The following EDNRA variants were observed in gnomAD, a reference collection of about 807,000 sequenced individuals.
EDNRA encodes endothelin-1 receptor.
In EDNRA, 11 loss-of-function variants were observed where a neutral mutation model predicts 41.4. The observed-to-expected ratio is 0.27, with a 90% CI of 0.17 to 0.44. The LOEUF (loss-of-function observed/expected upper bound fraction) is 0.44, where lower values mean the gene tolerates loss of function less well. EDNRA is among the 20% of genes least tolerant of loss of function. The pLI, the probability that EDNRA is intolerant of heterozygous loss-of-function variation, is 1.00. For missense variants in EDNRA, 294 were observed against 531.0 expected (o/e 0.55, Z 4.39); for synonymous variants, 172 against 183.0 (o/e 0.94, Z 0.49).
At chr4:147,507,150 A>C (rs1297150685) in intron 2 of EDNRA, among the ~76,000 whole-genome samples, 1 of 152,216 alleles carries the variant, frequency 6.6e-6, no homozygotes, top group Non-Finnish European at 1.5e-5. Flanking sequence ...TATAGCAAGA[A>C]AAAAACAGTC....
chr4:147,535,802 C>A, intron 4 of EDNRA, 75 bp from the exon 5 acceptor site: 1 of 1,561,976 alleles, frequency 6.4e-7, no homozygotes, highest in Non-Finnish European at 8.7e-7. Flanking sequence ...GACCTTAAAG[C>A]TACCAGAGGC....
intron 2 of EDNRA, among the ~76,000 whole-genome samples, chr4:147,509,862 G>A (rs896912859): frequency 6.6e-5 from 10 of 151,948 alleles, no homozygotes; most frequent in African/African-American, 2.4e-4. Context: ...ATTATATATT[G>A]CAATGTAATC....
intron 2 of EDNRA, among the ~76,000 whole-genome samples, chr4:147,513,044 C>G (rs890317343): frequency 1.3e-5 from 2 of 152,176 alleles, no homozygotes; most frequent in African/African-American, 2.4e-5. Context: ...AGAAAACTAA[C>G]AGGCACAAAG....
chr4:147,513,802 A>C (rs911815376), intron 2 of EDNRA, among the ~76,000 whole-genome samples: 6 of 152,206 alleles, frequency 3.9e-5, no homozygotes, highest in African/African-American at 1.4e-4. Context: ...GACAAACAGG[A>C]GATGAAGGAG....
chr4:147,532,795 G>GTCA, intron 4 of EDNRA, 91 bp downstream of exon 4: 4 of 1,312,778 alleles, frequency 3.0e-6, no homozygotes, highest in Non-Finnish European at 3.3e-6. Flanking sequence ...TCGCCACAAT[G>GTCA]TCAAGTGTGG....
intron 2 of EDNRA, among the ~76,000 whole-genome samples, chr4:147,487,480 A>G (rs909918922): frequency 7.2e-5 from 11 of 152,192 alleles, no homozygotes; most frequent in African/African-American, 2.7e-4. Context: ...TTTTCCTTCT[A>G]TGTATTATGC....
At position 147,543,244 on chromosome 4, in the gene EDNRA, T is replaced by G. The variant is rs1731175491; in HGVS notation, c.*626T>G. ...TAGTATTTTCCACGTCACTGTTTAT[T>G]TTTTTAAAACACAAATTCTAAAGCT... On this transcript the variant is annotated 3_prime_UTR_variant, in exon 8 of 8. Coordinates refer to ENST00000651419, the MANE Select transcript of EDNRA (RefSeq NM_001957.4). 1 of 152,196 alleles carries G rather than the reference T, an allele frequency of 6.6e-6. No individual in the cohort carries two copies. The highest frequency in any genetic ancestry group is 6.5e-5 in the Admixed American group (1 of 15,282). 9.4% of individuals were successfully genotyped at this position (152,196 alleles called of 1,614,324 possible).
At chr4:147,524,811 G>C (rs1432582614) in intron 3 of EDNRA, among the ~76,000 whole-genome samples, 1 of 151,954 alleles carries the variant, frequency 6.6e-6, no homozygotes, top group Non-Finnish European at 1.5e-5. Flanking sequence ...TTTCACACGA[G>C]AGAATGAATC....
In EDNRA at chr4:147,486,809, A is replaced by C. The variant is rs1728961890; in HGVS notation, c.420+708A>C. Among the ~76,000 whole-genome samples, 1 of 152,084 alleles carries C rather than the reference A, an allele frequency of 6.6e-6. No individual in the cohort carries two copies. Among genetic ancestry groups the C allele is most frequent in the Non-Finnish European group, 1.5e-5 (1 of 68,020 alleles). On this transcript the variant is annotated intron_variant, in intron 2 of 7. Transcript: ENST00000651419. The surrounding 1 kb of genome is among the most constrained non-coding windows in gnomAD (Gnocchi z 4.3). ...CCCCTGAGCTAGGCAGTAAGGAACC[A>C]AAAAGAAACACAACAAAGTCAGTGC...
At chr4:147,520,102 A>G (rs1405393899) in intron 3 of EDNRA, 124 bp downstream of exon 3, 1 of 1,272,628 alleles carries the variant, frequency 7.9e-7, no homozygotes, top group Non-Finnish European at 1.1e-6. Context: ...GAATTAAAGC[A>G]TTAACCATCT....
intron 3 of EDNRA, among the ~76,000 whole-genome samples, chr4:147,524,499 C>A (rs1730460206): frequency 6.7e-6 from 1 of 148,372 alleles, no homozygotes; most frequent in East Asian, 2.0e-4. Flanking sequence ...AAAGGAAGGA[C>A]TGAAGGAAGG....
chr4:147,534,802 G>T (rs1285548272), intron 4 of EDNRA, among the ~76,000 whole-genome samples: 1 of 152,108 alleles, frequency 6.6e-6, no homozygotes, highest in East Asian at 1.9e-4. Flanking sequence ...TTTTATGCAT[G>T]TAAAAGTATT....
At chr4:147,481,999 C>A (rs1240972008) in intron 1 of EDNRA, among the ~76,000 whole-genome samples, 2 of 152,196 alleles carry the variant, frequency 1.3e-5, no homozygotes, top group Non-Finnish European at 2.9e-5. Flanking sequence ...TAGATAATCA[C>A]CCTCTGTTTA....
intron 2 of EDNRA, chr4:147,493,213 GA>G (rs1002012767): frequency 5.3e-5 from 8 of 152,042 alleles, no homozygotes; most frequent in African/African-American, 1.9e-4. Flanking sequence ...AATGATGCAG[GA>G]AAGTTTTAGG....
intron 5 of EDNRA, among the ~76,000 whole-genome samples, chr4:147,538,992 C>A (rs892533095): frequency 3.3e-5 from 5 of 152,022 alleles, no homozygotes; most frequent in African/African-American, 4.8e-5. Context: ...TAATGCACAC[C>A]AATGAATGGT....
intron 2 of EDNRA, chr4:147,491,838 G>A (rs1729148320): frequency 6.6e-6 from 1 of 152,174 alleles, no homozygotes; most frequent in Non-Finnish European, 1.5e-5. Flanking sequence ...GAGAAAATGT[G>A]TCCCTTGACC....
chr4:147,491,380 A>G (rs1212499390), intron 2 of EDNRA: 1 of 152,202 alleles, frequency 6.6e-6, no homozygotes, highest in Non-Finnish European at 1.5e-5. Context: ...CTGCTTCTTG[A>G]CATATCAAAT....
chr4:147,491,528 C>T (rs758967017), intron 2 of EDNRA: 1 of 152,108 alleles, frequency 6.6e-6, no homozygotes, highest in Non-Finnish European at 1.5e-5. Flanking sequence ...AACTTCAAAT[C>T]AGATTAATCT....
At chr4:147,520,088 A>G in intron 3 of EDNRA, 110 bp downstream of exon 3, 1 of 1,342,358 alleles carries the variant, frequency 7.4e-7, no homozygotes, top group Non-Finnish European at 1.0e-6. Context: ...GATTAGCTTC[A>G]AGTGAATTAA....
Sources: gnomAD v4.1 joint callset for allele counts (sites outside exome capture counted in the v4.1 genomes callset) on GRCh38, gnomAD v4.1.1 for gene constraint, Gnocchi (gnomAD v3.1) non-coding constraint, MANE v1.5 for transcripts, NCBI Gene and HGNC (gene_info 2026-07-23, HGNC 2026-07-21) for gene names.